PEAK1: variants seen among roughly 807,000 people sequenced by gnomAD.
PEAK1 encodes pseudopodium enriched atypical kinase 1.
PEAK1 carries 54 observed loss-of-function variants against 124.7 expected under a neutral mutation model. The observed-to-expected ratio is 0.43, with a 90% confidence interval of 0.35 to 0.54. The LOEUF is 0.54. Ranked by LOEUF, PEAK1 falls within the 20% of genes least tolerant of loss-of-function variation. The pLI, the probability that PEAK1 is intolerant of heterozygous loss-of-function variation, is 0.01. For synonymous variants in PEAK1, 719 were observed against 760.0 expected (o/e 0.95, Z 0.89); for missense variants, 2,046 against 2,134.5 (o/e 0.96, Z 0.82).
intron 1 of PEAK1, among the ~76,000 whole-genome samples, chr15:77,379,191 T>C (rs1180201949): frequency 1.3e-5 from 2 of 152,154 alleles, no homozygotes. Flanking sequence ...GAAATAAAAG[T>C]AGTTGAATAC....
intron 2 of PEAK1, among the ~76,000 whole-genome samples, chr15:77,297,881 AC>A (rs1481085249): frequency 3.3e-5 from 5 of 149,564 alleles, no homozygotes; most frequent in Non-Finnish European, 5.9e-5. Flanking sequence ...ACAAGGTGAA[AC>A]CCCGTCTCTA....
intron 8 of PEAK1, among the ~76,000 whole-genome samples, chr15:77,150,385 G>C (rs1026121724): frequency 6.6e-6 from 1 of 152,034 alleles, no homozygotes; most frequent in Non-Finnish European, 1.5e-5. Flanking sequence ...ATAACTCTTA[G>C]GATGGTTGTG....
intron 7 of PEAK1, among the ~76,000 whole-genome samples, chr15:77,173,833 T>C (rs1361459315): frequency 6.6e-6 from 1 of 152,218 alleles, no homozygotes; most frequent in African/African-American, 2.4e-5. Flanking sequence ...TCTTTAAAGA[T>C]CTGCTTTGGA....
rs145461143 is a variant in PEAK1 at position 77,344,255 on chromosome 15, C to T, written c.-603+20908G>A. 5.3e-3 allele frequency among the ~76,000 whole-genome samples: 805 copies of T among 152,062 alleles called. 4 individuals are homozygous for T. The highest frequency in any genetic ancestry group is 0.016 in the African/African-American group (684 of 41,458). ...GACTACAGGTGCCAGCCACCACGCC[C>T]GGCTAATTTTTTGTATTTTTAGTAG... On this transcript the variant is annotated intron_variant, in intron 2 of 9. Coordinates refer to ENST00000682557, the MANE Select transcript of PEAK1 (RefSeq NM_001385026.1).
Position 77,252,943 on chromosome 15 carries a change from T to C in PEAK1, c.-274-417A>G, listed in dbSNP as rs569100084. 8.5e-5 allele frequency among the ~76,000 whole-genome samples: 13 copies of C among 152,326 alleles called. No individual in the cohort carries two copies. The South Asian group carries it at 2.5e-3, about 29-fold the overall frequency. ...CTCTAAAATATTGAAAGCAGGTATCTCCAAATGTAAATATTTCACTAGCCA... is the reference window on the plus strand; with the variant it reads ...CTCTAAAATATTGAAAGCAGGTATCCCCAAATGTAAATATTTCACTAGCCA... On this transcript the variant is annotated intron_variant, in intron 5 of 9. Coordinates refer to ENST00000682557, the MANE Select transcript of PEAK1 (RefSeq NM_001385026.1).
chr15:77,158,980 T>C (rs747226555), intron 7 of PEAK1, among the ~76,000 whole-genome samples: 1 of 152,130 alleles, frequency 6.6e-6, no homozygotes, highest in Non-Finnish European at 1.5e-5. Flanking sequence ...GGTGGTGATG[T>C]TGGTGGTAGA....
intron 6 of PEAK1, among the ~76,000 whole-genome samples, chr15:77,188,198 A>C (rs897833813): frequency 7.0e-4 from 107 of 152,340 alleles, no homozygotes; most frequent in African/African-American, 2.4e-3. Context: ...CTCCTATCTA[A>C]AGAAGAAACC....
At chr15:77,263,997 G>A (rs894518962) in intron 5 of PEAK1, among the ~76,000 whole-genome samples, 6 of 152,012 alleles carry the variant, frequency 3.9e-5, no homozygotes, top group African/African-American at 9.7e-5. Context: ...CAGAACCAAC[G>A]ACAAAAACCA....
At chr15:77,246,376 T>C (rs1281983408) in intron 6 of PEAK1, among the ~76,000 whole-genome samples, 1 of 152,114 alleles carries the variant, frequency 6.6e-6, no homozygotes, top group African/African-American at 2.4e-5. Flanking sequence ...ATCTTAATAT[T>C]GACTAAGCAT....
chr15:77,345,784 T>C (rs1361214374), intron 2 of PEAK1: 2 of 452,224 alleles, frequency 4.4e-6, no homozygotes, highest in African/African-American at 2.1e-5. Flanking sequence ...TTTGAGGTGA[T>C]GGATATCCCA....
rs543653246 is a variant in PEAK1, at chr15:77,372,353, G to T, written c.-665-7128C>A. 3.9e-5 allele frequency among the ~76,000 whole-genome samples: 6 copies of T among 152,216 alleles called. No individual in the cohort carries two copies. In the South Asian group the frequency reaches 1.0e-3, roughly 26 times the overall value. On this transcript the variant is annotated intron_variant, in intron 1 of 9. Transcript: ENST00000682557. ...GAATCTGACAGGCCAGCAATTTACT[G>T]CATTTTCTGCACATTTGAATTTGTA... is the stretch of plus-strand genomic sequence containing the variant.
intron 7 of PEAK1, among the ~76,000 whole-genome samples, chr15:77,161,633 G>A (rs1169415947): frequency 1.3e-5 from 2 of 152,158 alleles, no homozygotes; most frequent in Admixed American, 1.3e-4. Context: ...TCAGTGATAT[G>A]TCATGTCTTA....
At chr15:77,135,881 G>A (rs984361943) in intron 8 of PEAK1, among the ~76,000 whole-genome samples, 4 of 151,358 alleles carry the variant, frequency 2.6e-5, no homozygotes, top group Non-Finnish European at 5.9e-5. Context: ...GCCTGGTCTC[G>A]TGTATGTCTT....
chr15:77,343,089 C>A (rs1318450237), intron 2 of PEAK1, among the ~76,000 whole-genome samples: 3 of 152,220 alleles, frequency 2.0e-5, no homozygotes, highest in African/African-American at 7.2e-5. Flanking sequence ...CAACAATGCA[C>A]AAAGGTTCCA....
intron 8 of PEAK1, among the ~76,000 whole-genome samples, chr15:77,144,490 G>A (rs1419509022): frequency 6.6e-6 from 1 of 152,164 alleles, no homozygotes; most frequent in Non-Finnish European, 1.5e-5. Context: ...CATCCCCTCA[G>A]AACCTGATGT....
chr15:77,290,178 C>T (rs1054517984), intron 2 of PEAK1, among the ~76,000 whole-genome samples: 7 of 152,118 alleles, frequency 4.6e-5, no homozygotes, highest in Admixed American at 1.3e-4. Flanking sequence ...CAGGCTGAAG[C>T]GCAGTCCACA....
chr15:77,158,571 T>G lies in PEAK1; in HGVS notation c.3263A>C (p.Glu1088Ala), dbSNP rs763637172. ...TALSLPELER[E>A]DGKEDISDPM... is the part of the protein sequence containing the mutation. ...ATCTGAAATGTCTTCTTTTCCATCT[T>G]CCCTTTCCAGTTCAGGTAGGGACAA... Residue 1088 changes from glutamate to alanine, a missense_variant, in exon 8 of 10, where the codon GAA becomes GCA. Transcript: ENST00000682557. 6.2e-7 allele frequency: 1 copy of G among 1,614,144 alleles called. No individual in the cohort carries two copies. The highest frequency in any genetic ancestry group is 1.1e-5 in the South Asian group (1 of 91,078).
intron 6 of PEAK1, among the ~76,000 whole-genome samples, chr15:77,202,238 A>G (rs1279067965): frequency 6.6e-6 from 1 of 152,094 alleles, no homozygotes; most frequent in Non-Finnish European, 1.5e-5. Flanking sequence ...TTAGCACTAG[A>G]TTATTTCTCA....
chr15:77,359,666 A>C (rs544315597), intron 2 of PEAK1, among the ~76,000 whole-genome samples: 2 of 152,314 alleles, frequency 1.3e-5, no homozygotes, highest in African/African-American at 4.8e-5. Context: ...TCCAAAAATG[A>C]AATTAGAAAA....
Sources: allele counts gnomAD v4.1 joint callset (sites outside exome capture counted in the v4.1 genomes callset), GRCh38; gene constraint gnomAD v4.1.1; transcripts MANE v1.5; gene names NCBI Gene and HGNC (gene_info 2026-07-23, HGNC 2026-07-21).